The following SYT6 variants were observed in gnomAD, a reference collection of about 807,000 sequenced individuals.
SYT6 encodes synaptotagmin 6, also known as synaptotagmin-6.
SYT6 carries 24 observed loss-of-function variants against 38.4 expected under a neutral mutation model. The observed-to-expected ratio is 0.62, with a 90% CI of 0.45 to 0.88. SYT6 has a LOEUF of 0.88. Among genes scored for constraint, SYT6 ranks in the 40% least tolerant of loss-of-function variants. SYT6 has a pLI of 0.00. For synonymous variants in SYT6, 265 were observed against 241.9 expected, an observed-to-expected ratio of 1.10 and a Z score of -0.89; for missense variants, 611 against 621.0, an observed-to-expected ratio of 0.98 and a Z score of 0.17.
At chr1:114,095,312 C>G (rs987167622) in intron 6 of SYT6, among the ~76,000 whole-genome samples, 31 of 152,150 alleles carry the variant, frequency 2.0e-4, no homozygotes, top group African/African-American at 7.5e-4. Flanking sequence ...AGTTAGAGTT[C>G]TCAAAGAAAC....
intron 6 of SYT6, among the ~76,000 whole-genome samples, chr1:114,097,351 A>C (rs1403569762): frequency 6.6e-6 from 1 of 152,238 alleles, no homozygotes. Flanking sequence ...TACTGTTCTG[A>C]CAGGGGTAGA....
At chr1:114,106,283 C>G (rs1204141472) in intron 3 of SYT6, among the ~76,000 whole-genome samples, 1 of 151,936 alleles carries the variant, frequency 6.6e-6, no homozygotes, top group African/African-American at 2.4e-5. Flanking sequence ...GACTGTGTGC[C>G]AGGCCTCTGC....
At chr1:114,142,628 G>A (rs745974027) in intron 1 of SYT6, among the ~76,000 whole-genome samples, 7 of 152,138 alleles carry the variant, frequency 4.6e-5, no homozygotes, top group Non-Finnish European at 8.8e-5. Context: ...TCAGACAGCG[G>A]TGCATGCTAC....
intron 7 of SYT6, among the ~76,000 whole-genome samples, chr1:114,092,350 G>C (rs879411185): frequency 0.054 from 7,962 of 148,502 alleles, 316 homozygotes; most frequent in African/African-American, 0.11. Context: ...GTGTGTGTGT[G>C]TGTGTGTGTG....
chr1:114,129,641 CTCTTTCTTTCTTTTTCTTTCTT>C (rs1557756454), intron 3 of SYT6, among the ~76,000 whole-genome samples: 4 of 54,510 alleles, frequency 7.3e-5, no homozygotes, highest in East Asian at 5.0e-4. Context: ...TTCTTTCTTT[CTCTTTCTTTCTTTTTCTTTCTT>C]TCTTTCTTTC....
chr1:114,129,551 CTTTT>C (rs971532649), intron 3 of SYT6, among the ~76,000 whole-genome samples: 15 of 141,036 alleles, frequency 1.1e-4, no homozygotes, highest in South Asian at 4.9e-4. Context: ...TTTTTTCTGT[CTTTT>C]TTTCTTTCTT....
chr1:114,128,544 C>G (rs551040008), intron 3 of SYT6, among the ~76,000 whole-genome samples: 2 of 152,340 alleles, frequency 1.3e-5, no homozygotes, highest in East Asian at 3.9e-4. Context: ...CAGAATAACA[C>G]GGCCCGTGTC....
chr1:114,132,264 A>G (rs1267213072), intron 3 of SYT6, among the ~76,000 whole-genome samples: 1 of 152,124 alleles, frequency 6.6e-6, no homozygotes, highest in Non-Finnish European at 1.5e-5. Context: ...AATGTGGCTC[A>G]TGGGAAAAAG....
intron 6 of SYT6, among the ~76,000 whole-genome samples, chr1:114,096,332 C>T (rs1675640842): frequency 6.6e-6 from 1 of 152,126 alleles, no homozygotes; most frequent in Admixed American, 6.5e-5. Context: ...CATTAAAGCT[C>T]CACAGCTATG....
Position 114,137,614 on chromosome 1 carries a change from C to A in SYT6, c.952G>T (p.Asp318Tyr). 6.2e-7 allele frequency: 1 copy of A among 1,614,186 alleles called. No individual in the cohort carries two copies. Among genetic ancestry groups the A allele is most frequent in the Non-Finnish European group, 8.5e-7 (1 of 1,180,042 alleles). ...ADRKLHLSVF[D>Y]FDRFSRHDMI... ...TCATGGCGGGAGAAGCGGTCAAAGT[C>A]GAAGACACTGAGATGCAGCTTGCGG... The change falls in exon 3 of 8, where the codon GAC becomes TAC. Residue 318 changes from aspartate (D) to tyrosine (Y), a missense_variant. Coordinates refer to ENST00000610222, the MANE Select transcript of SYT6 (RefSeq NM_001253772.2).
intron 1 of SYT6, among the ~76,000 whole-genome samples, chr1:114,153,359 C>A (rs1679546136): frequency 6.6e-6 from 1 of 152,330 alleles, no homozygotes; most frequent in Non-Finnish European, 1.5e-5. Flanking sequence ...TGGCTGTCTG[C>A]GGGGTCCCCC....
At chr1:114,152,038 TC>T (rs1235810372) in intron 1 of SYT6, among the ~76,000 whole-genome samples, 1 of 152,044 alleles carries the variant, frequency 6.6e-6, no homozygotes, top group Non-Finnish European at 1.5e-5. Flanking sequence ...TCAGGTGGGC[TC>T]CGCTCACCCC....
At chr1:114,138,543 A>G (rs895153425) in intron 2 of SYT6, among the ~76,000 whole-genome samples, 2 of 152,230 alleles carry the variant, frequency 1.3e-5, no homozygotes, top group African/African-American at 2.4e-5. Context: ...GTTAGCCTGC[A>G]TAGGTTAATT....
At chr1:114,092,151 C>T in intron 7 of SYT6, 69 bp from the exon 8 acceptor site, 5 of 1,423,144 alleles carry the variant, frequency 3.5e-6, no homozygotes, top group Non-Finnish European at 4.8e-6. Flanking sequence ...CAAAACTGAA[C>T]TGGCCCAATG....
Position 114,137,796 on chromosome 1 carries a change from G to A in SYT6, c.770C>T (p.Pro257Leu), listed in dbSNP as rs1278683225. The A allele has an allele frequency of 6.2e-7, 1 of 1,614,136 alleles. No homozygotes were observed. The highest frequency in any genetic ancestry group is 1.7e-5 in the Admixed American group (1 of 60,028). Residue 257 changes from proline (P) to leucine (L), a missense_variant, in exon 3 of 8, where the codon CCT (proline) becomes CTT (leucine). Transcript: ENST00000610222. ...IVRILKAFDL[P>L]AKDFCGSSDP... ...AGAGCTTCCACAAAAGTCCTTGGCA[G>A]GGAGGTCAAAAGCCTTCAGGATACG...
intron 3 of SYT6, among the ~76,000 whole-genome samples, chr1:114,129,978 C>A (rs1242898275): frequency 2.0e-5 from 3 of 152,226 alleles, no homozygotes; most frequent in Admixed American, 6.5e-5. Flanking sequence ...AGCCACTGTG[C>A]CTGGCCTCTT....
chr1:114,097,599 G>T, intron 6 of SYT6, 128 bp downstream of exon 6: 1 of 1,162,534 alleles, frequency 8.6e-7, no homozygotes, highest in South Asian at 1.4e-5. Flanking sequence ...TACACACTGG[G>T]TAAGAAGCAT....
In SYT6 at chr1:114,150,984, A is replaced by C. The variant is rs563536840; in HGVS notation, c.163+2626T>G. Among the ~76,000 whole-genome samples the C allele has an allele frequency of 6.6e-5, 10 of 152,352 alleles. No individual in the cohort carries two copies. The South Asian group carries it at 2.1e-3, about 32-fold the overall frequency. ...TGTAAGCTAGAGACTTAGAACAGGA[A>C]GAAGTCAAGGGAAAACATAAAATGG... is the stretch of plus-strand genomic sequence containing the variant. On this transcript the variant is annotated intron_variant, in intron 1 of 7. Coordinates refer to ENST00000610222, the MANE Select transcript of SYT6 (RefSeq NM_001253772.2).
At chr1:114,144,815 T>C (rs763844115) in intron 1 of SYT6, among the ~76,000 whole-genome samples, 4 of 152,142 alleles carry the variant, frequency 2.6e-5, no homozygotes, top group Non-Finnish European at 5.9e-5. Context: ...CCACTCTCTC[T>C]GGGAAGCCAG....
Sources: gnomAD v4.1 joint callset for allele counts (sites outside exome capture counted in the v4.1 genomes callset) on GRCh38, gnomAD v4.1.1 for gene constraint, MANE v1.5 for transcripts, NCBI Gene and HGNC (gene_info 2026-07-23, HGNC 2026-07-21) for gene names.